The following MEI1 variants were observed in gnomAD, a reference collection of about 807,000 sequenced individuals.
MEI1 encodes the protein meiotic double-stranded break formation protein 1.
A neutral mutation model predicts 146.2 loss-of-function variants in MEI1; 103 were observed. That is an observed-to-expected ratio of 0.70 (90% CI 0.60 to 0.83). The LOEUF (loss-of-function observed/expected upper bound fraction) is 0.83. MEI1 is among the 40% of genes least tolerant of loss of function. The probability of loss-of-function intolerance (pLI) is 0.00; values close to 1 mark genes in which losing one functional copy is unlikely to be tolerated. For synonymous variants in MEI1, 652 were observed against 628.2 expected (o/e 1.04, Z -0.57); for missense variants, 1,529 against 1,533.0 (o/e 1.00, Z 0.04).
chr22:41,705,887 G>A (rs974393505), intron 3 of MEI1, among the ~76,000 whole-genome samples: 1 of 151,030 alleles, frequency 6.6e-6, no homozygotes, highest in Non-Finnish European at 1.5e-5. Flanking sequence ...TTTGTATTTT[G>A]AGTAGAGACA....
intron 21 of MEI1, among the ~76,000 whole-genome samples, chr22:41,778,444 C>G (rs375679413): frequency 3.3e-5 from 5 of 152,218 alleles, no homozygotes; most frequent in African/African-American, 4.8e-5. Context: ...ATAGGAATAA[C>G]AATCCATGCT....
chr22:41,772,585 G>A (rs928963349), intron 20 of MEI1, among the ~76,000 whole-genome samples: 1 of 152,264 alleles, frequency 6.6e-6, no homozygotes, highest in African/African-American at 2.4e-5. Context: ...GCCTCCCAAA[G>A]TGTTGGGATT....
intron 14 of MEI1, among the ~76,000 whole-genome samples, chr22:41,746,519 C>G (rs2073300000): frequency 6.6e-6 from 1 of 152,156 alleles, no homozygotes; most frequent in Non-Finnish European, 1.5e-5. Flanking sequence ...TATGTGTGTT[C>G]TGTAAAATGA....
At chr22:41,771,741 G>C (rs1201679871) in intron 20 of MEI1, among the ~76,000 whole-genome samples, 2 of 152,138 alleles carry the variant, frequency 1.3e-5, no homozygotes, top group Admixed American at 1.3e-4. Flanking sequence ...CTGCCTAGTG[G>C]CTGGCTTTAA....
chr22:41,731,445 C>G (rs1236512032), intron 9 of MEI1, among the ~76,000 whole-genome samples: 1 of 152,168 alleles, frequency 6.6e-6, no homozygotes, highest in African/African-American at 2.4e-5. Context: ...GCCTCTGCCT[C>G]CCAGGTTCAA....
intron 26 of MEI1, 142 bp downstream of exon 26, chr22:41,784,925 TTTTA>T (rs139543): frequency 0.01 from 3,355 of 327,286 alleles, 61 homozygotes; most frequent in Admixed American, 0.057. Context: ...ATTATTTTTA[TTTTA>T]TTTATTTATT....
chr22:41,709,190 A>C (rs1298210894), intron 3 of MEI1: 4 of 808,510 alleles, frequency 4.9e-6, no homozygotes, highest in Non-Finnish European at 6.5e-6. Flanking sequence ...AGTCACCAGA[A>C]GTACACAGTT....
At chr22:41,771,000 T>C in intron 20 of MEI1, 39 bp downstream of exon 20, 1 of 1,595,368 alleles carries the variant, frequency 6.3e-7, no homozygotes, top group Non-Finnish European at 8.5e-7. Flanking sequence ...TCAGAAATCG[T>C]GGGCCTTCTC....
chr22:41,798,225 GCACACACA>G lies in MEI1; in HGVS notation c.3780-1014_3780-1007del, dbSNP rs138708111. Among the ~76,000 whole-genome samples, 233 of 147,258 alleles carry G rather than the reference GCACACACA, an allele frequency of 1.6e-3. 2 individuals carry two copies. In the South Asian group the frequency reaches 0.047, roughly 30 times the overall value. On this transcript the variant is annotated intron_variant, in intron 30 of 30. Transcript: ENST00000401548. ...CTTAAGAAAGCTTGGATGGCCAGGT[GCACACACA>G]CACACACACACACAATGTGTGTGTG...
chr22:41,765,507 A>C (rs942761659), intron 19 of MEI1, among the ~76,000 whole-genome samples: 4 of 152,154 alleles, frequency 2.6e-5, no homozygotes, highest in East Asian at 3.8e-4. Context: ...TTTAGTATAA[A>C]TATATAAAGG....
At chr22:41,746,135 G>A in intron 14 of MEI1, 109 bp downstream of exon 14, 1 of 1,073,802 alleles carries the variant, frequency 9.3e-7, no homozygotes, top group Non-Finnish European at 1.3e-6. Flanking sequence ...AACTCTCTGG[G>A]GGCCTCAGCA....
intron 19 of MEI1, among the ~76,000 whole-genome samples, chr22:41,766,215 C>G (rs529439617): frequency 7.5e-4 from 107 of 142,512 alleles, no homozygotes; most frequent in Non-Finnish European, 1.2e-3. Context: ...GCTCTGTCGC[C>G]CAAGCTGGAG....
intron 2 of MEI1, among the ~76,000 whole-genome samples, chr22:41,704,688 A>G (rs1161630060): frequency 6.6e-6 from 1 of 152,086 alleles, no homozygotes; most frequent in Non-Finnish European, 1.5e-5. Flanking sequence ...TGCTAGGATT[A>G]CAGGCATGAG....
At chr22:41,722,404 C>G (rs1601742354) in intron 6 of MEI1, among the ~76,000 whole-genome samples, 1 of 151,802 alleles carries the variant, frequency 6.6e-6, no homozygotes, top group Admixed American at 6.6e-5. Context: ...CTCAAGTGAT[C>G]CTCTCACCTT....
At chr22:41,734,578 AGT>A (rs1210471477) in intron 11 of MEI1, among the ~76,000 whole-genome samples, 1 of 152,258 alleles carries the variant, frequency 6.6e-6, no homozygotes, top group East Asian at 1.9e-4. Context: ...GAGGCCACAG[AGT>A]GAGACTCCAT....
chr22:41,721,839 G>A (rs1406912925), intron 6 of MEI1, among the ~76,000 whole-genome samples: 5 of 142,846 alleles, frequency 3.5e-5, no homozygotes, highest in African/African-American at 1.3e-4. Context: ...TCCTGCCACA[G>A]CCTCCCGAGT....
intron 20 of MEI1, 72 bp from the exon 21 acceptor site, chr22:41,776,030 C>T (rs2075421282): frequency 6.7e-7 from 1 of 1,502,896 alleles, no homozygotes; most frequent in Non-Finnish European, 9.2e-7. Context: ...TTTCCTGCCC[C>T]TCTATTCCTC....
intron 11 of MEI1, among the ~76,000 whole-genome samples, chr22:41,735,535 ATT>A (rs1044048832): frequency 2.0e-5 from 3 of 152,094 alleles, no homozygotes; most frequent in East Asian, 3.8e-4. Flanking sequence ...GCCCAGCCAT[ATT>A]GTTATTTTTT....
At chr22:41,708,674 C>T (rs1245315316) in intron 3 of MEI1, among the ~76,000 whole-genome samples, 3 of 152,110 alleles carry the variant, frequency 2.0e-5, no homozygotes, top group African/African-American at 7.2e-5. Context: ...ACAAGCCGAC[C>T]CTGACTTTCA....
Sources: gnomAD v4.1 joint callset for allele counts (sites outside exome capture counted in the v4.1 genomes callset) on GRCh38, gnomAD v4.1.1 for gene constraint, MANE v1.5 for transcripts, NCBI Gene and HGNC (gene_info 2026-07-23, HGNC 2026-07-21) for gene names.